Variants in HERC6 observed in about 807,000 individuals in gnomAD.
HERC6 encodes the protein HECT and RLD domain containing E3 ubiquitin protein ligase family member 6, also known as probable E3 ubiquitin-protein ligase HERC6.
In HERC6, 101 loss-of-function variants were observed where a neutral mutation model predicts 114.5. The ratio of observed to expected loss-of-function variants is 0.88; its 90% confidence interval spans 0.75 to 1.04. HERC6 has a LOEUF of 1.04. Ranked by LOEUF, HERC6 falls within the 50% of genes least tolerant of loss-of-function variation. The pLI is 0.00. For synonymous variants in HERC6, 408 were observed against 436.2 expected, an observed-to-expected ratio of 0.94 and a Z score of 0.81; for missense variants, 1,133 against 1,230.9, an observed-to-expected ratio of 0.92 and a Z score of 1.19.
At chr4:88,406,154 G>A (rs575487976) in intron 10 of HERC6, among the ~76,000 whole-genome samples, 8 of 152,250 alleles carry the variant, frequency 5.3e-5, no homozygotes, top group Non-Finnish European at 8.8e-5. Flanking sequence ...TGGCACCTGT[G>A]TGTAAAAGGG....
rs139779893 is a variant in HERC6, at chr4:88,404,682, G to T, written c.1093-194G>T. ...TTTCTTTTTTAATGATGAAACTAAGGCTCAGACCAAGCAAAGTGGCCCAGG... is the reference window on the plus strand; with the variant it reads ...TTTCTTTTTTAATGATGAAACTAAGTCTCAGACCAAGCAAAGTGGCCCAGG... On this transcript the variant is annotated intron_variant, in intron 8 of 22. Coordinates refer to ENST00000264346, the MANE Select transcript of HERC6 (RefSeq NM_017912.4). Among the ~76,000 whole-genome samples, 1,188 of 151,696 alleles carry T rather than the reference G, an allele frequency of 7.8e-3. 6 individuals carry two copies. The highest frequency in any genetic ancestry group is 0.013 in the Non-Finnish European group (868 of 67,948).
intron 4 of HERC6, among the ~76,000 whole-genome samples, chr4:88,391,169 G>T (rs1734899949): frequency 6.6e-6 from 1 of 152,180 alleles, no homozygotes; most frequent in Non-Finnish European, 1.5e-5. Context: ...CTTCCCTACA[G>T]GCTCTGAGGG....
intron 1 of HERC6, among the ~76,000 whole-genome samples, chr4:88,379,702 AATATATAATATATAAAT>A (rs1422405030): frequency 9.2e-6 from 1 of 108,650 alleles, no homozygotes; most frequent in Non-Finnish European, 1.7e-5. Flanking sequence ...ATAATATATA[AATATATAATATATAAAT>A]ATATATAATA....
chr4:88,402,943 G>A (rs1351034055), intron 8 of HERC6, among the ~76,000 whole-genome samples: 1 of 152,188 alleles, frequency 6.6e-6, no homozygotes, highest in African/African-American at 2.4e-5. Context: ...TTTAAGAGCC[G>A]TGGTTACCTG....
At chr4:88,419,961 C>A (rs1736862381) in intron 13 of HERC6, among the ~76,000 whole-genome samples, 1 of 151,696 alleles carries the variant, frequency 6.6e-6, no homozygotes, top group African/African-American at 2.4e-5. Flanking sequence ...TTCCCCTCTC[C>A]CTCTCCCTCT....
rs781466352 is a variant in HERC6, at chr4:88,442,379, A to G, written c.2988A>G (p.Thr996=). 1 of 1,613,952 alleles carries G rather than the reference A, an allele frequency of 6.2e-7. No homozygotes were observed. Among genetic ancestry groups the G allele is most frequent in the Non-Finnish European group, 8.5e-7 (1 of 1,179,904 alleles). Residue 996 remains threonine, a synonymous_variant, in exon 23 of 23, where the codon ACA becomes ACG. Coordinates refer to ENST00000264346, the MANE Select transcript of HERC6 (RefSeq NM_017912.4). ...HNILSLPKYS[T]MERMEEALQV... Reference sequence around the variant, plus strand: ...TTCTCTCCCTCCCTAAGTATTCTACAATGGAAAGAATGGAGGAAGCACTTC... The same window carrying G: ...TTCTCTCCCTCCCTAAGTATTCTACGATGGAAAGAATGGAGGAAGCACTTC...
At position 88,436,910 on chromosome 4, in the gene HERC6, T is replaced by C. The variant is rs754317617; in HGVS notation, c.2423T>C (p.Leu808Ser). The change falls in exon 19 of 23, where the codon TTG (leucine) becomes TCG (serine). Residue 808 changes from leucine to serine, a missense_variant. Leu to Ser is a moderately radical substitution (Grantham distance 145). Around this residue, in one of 3 missense-constraint regions of HERC6, gnomAD observed 388 missense variants for 445.9 expected, o/e 0.87. Coordinates refer to ENST00000264346, the MANE Select transcript of HERC6 (RefSeq NM_017912.4). ...KELSPRLGKS[L>S]QEVLDDAADD... ...AAAACCAAAATCTTCATTAGGAGTT[T>C]GCAAGAAGTTCTAGATGATGCTGCT... The C allele has an allele frequency of 6.2e-7, 1 of 1,600,654 alleles. No homozygotes were observed. The highest frequency in any genetic ancestry group is 2.2e-5 in the East Asian group (1 of 44,492).
chr4:88,383,192 T>G, intron 1 of HERC6, 29 bp from the exon 2 acceptor site: 1 of 1,602,206 alleles, frequency 6.2e-7, no homozygotes, highest in South Asian at 1.1e-5. Context: ...CAGTGGTGGT[T>G]GGGGGGTGTT....
chr4:88,396,403 G>T (rs570996040), intron 6 of HERC6, among the ~76,000 whole-genome samples: 1 of 152,236 alleles, frequency 6.6e-6, no homozygotes, highest in South Asian at 2.1e-4. Flanking sequence ...GATAAAAATA[G>T]CAGAGCTTTC....
chr4:88,424,689 A>T lies in HERC6; in HGVS notation c.1922A>T (p.His641Leu), dbSNP rs2148958534. ...ATTAAATTATTGCAAGCTGATTCACATATAAAGATGCAGGTATGTATGTCC... is the reference window on the plus strand; with the variant it reads ...ATTAAATTATTGCAAGCTGATTCACTTATAAAGATGCAGGTATGTATGTCC... ...SKIKLLQADS[H>L]IKMQMSEKKA... The change falls in exon 15 of 23, where the codon CAT becomes CTT. Residue 641 changes from histidine to leucine, a missense_variant. Physicochemically the swap from His to Leu is moderately conservative, Grantham distance 99 (BLOSUM62 -3). Around this residue, in one of 3 missense-constraint regions of HERC6, gnomAD observed 10 missense variants for 31.1 expected, o/e 0.32. Coordinates refer to ENST00000264346, the MANE Select transcript of HERC6 (RefSeq NM_017912.4). 2 of 1,595,128 alleles carry T rather than the reference A, an allele frequency of 1.3e-6. No individual in the cohort carries two copies. Among genetic ancestry groups the T allele is most frequent in the Non-Finnish European group, 8.6e-7 (1 of 1,165,118 alleles).
rs1739166479 is a variant in HERC6 at position 88,439,882 on chromosome 4, A to G, written c.2564A>G (p.Tyr855Cys). Reference protein sequence around the residue: ...IPVDQTNKRDYVSKYIDYIFN... With the variant: ...IPVDQTNKRDCVSKYIDYIFN... ...TTTTTGCTTCCCTCAAGGAGAGACT[A>G]TGTTTCTAAGTATATTGATTACATT... The change falls in exon 21 of 23, where the codon TAT (tyrosine) becomes TGT (cysteine). Residue 855 changes from tyrosine to cysteine, a missense_variant. Physicochemically the swap from Tyr to Cys is radical, Grantham distance 194 (BLOSUM62 -2). Coordinates refer to ENST00000264346, the MANE Select transcript of HERC6 (RefSeq NM_017912.4). The G allele has an allele frequency of 3.6e-6, 5 of 1,372,120 alleles. No homozygotes were observed. Among genetic ancestry groups the G allele is most frequent in the Non-Finnish European group, 4.7e-6 (5 of 1,054,340 alleles). The allele number at this position is 1,372,120 out of a possible 1,614,324, so 85.0% of individuals were successfully genotyped here.
chr4:88,409,104 G>T (rs1039946998), intron 11 of HERC6, among the ~76,000 whole-genome samples: 1 of 152,166 alleles, frequency 6.6e-6, no homozygotes, highest in African/African-American at 2.4e-5. Flanking sequence ...CTAAAATAAT[G>T]ATGTTATTTG....
At chr4:88,382,132 A>G (rs748932766) in intron 1 of HERC6, among the ~76,000 whole-genome samples, 16 of 152,176 alleles carry the variant, frequency 1.1e-4, no homozygotes, top group Non-Finnish European at 1.8e-4. Context: ...TTAACCTTGC[A>G]TAAATTGACA....
At position 88,417,471 on chromosome 4, in the gene HERC6, C is replaced by A; in HGVS notation, c.1605C>A (p.Ile535=). The A allele has an allele frequency of 1.9e-6, 3 of 1,611,164 alleles. No individual in the cohort carries two copies. The highest frequency in any genetic ancestry group is 1.7e-6 in the Non-Finnish European group (2 of 1,178,604). The change falls in exon 13 of 23, where the codon ATC becomes ATA. Residue 535 remains isoleucine, a synonymous_variant. Coordinates refer to ENST00000264346, the MANE Select transcript of HERC6 (RefSeq NM_017912.4). ...AAGAATCTTCTCTGAATCCGCTGAT[C>A]CAGATGCTTAAAGCAGCCATCATCT... ...FLQESSLNPL[I]QMLKAAIISQ... is the part of the protein sequence containing the mutation.
intron 5 of HERC6, among the ~76,000 whole-genome samples, chr4:88,395,046 G>A (rs1735156669): frequency 6.6e-6 from 1 of 152,138 alleles, no homozygotes; most frequent in African/African-American, 2.4e-5. Flanking sequence ...ATATTCCAAA[G>A]GGATGGATTC....
intron 5 of HERC6, among the ~76,000 whole-genome samples, chr4:88,394,474 CAAAAAAAAAA>C (rs781425955): frequency 7.0e-5 from 3 of 42,898 alleles, no homozygotes; most frequent in African/African-American, 2.7e-4. Context: ...CTCTCCTGTC[CAAAAAAAAAA>C]AAAAAAAAAA....
In HERC6 at chr4:88,383,405, A is replaced by G. The variant is rs138391421; in HGVS notation, c.359+25A>G. On this transcript the variant is annotated intron_variant, in intron 2 of 22. Coordinates refer to ENST00000264346, the MANE Select transcript of HERC6 (RefSeq NM_017912.4). The stretch of plus-strand genomic sequence containing the variant: ...AGTAAGTGTTTCAACCCACTCCTTC[A>G]TTTATTCAATATATATAGTACCATG... 1,678 of 1,459,590 alleles carry G rather than the reference A, an allele frequency of 1.1e-3. 13 individuals carry two copies. The African/African-American group carries it at 0.021, about 18-fold the overall frequency. The allele number at this position is 1,459,590 out of a possible 1,614,324, so 90.4% of individuals were successfully genotyped here.
At chr4:88,385,837 T>C (rs942236045) in intron 3 of HERC6, among the ~76,000 whole-genome samples, 1 of 152,232 alleles carries the variant, frequency 6.6e-6, no homozygotes, top group African/African-American at 2.4e-5. Flanking sequence ...TAGTAGTGGC[T>C]TTATTTCCAG....
At position 88,435,724 on chromosome 4, in the gene HERC6, G is replaced by C. The variant is rs1270419255; in HGVS notation, c.2251-1G>C. On this transcript the variant is annotated splice_acceptor_variant, in intron 17 of 22. Coordinates refer to ENST00000264346, the MANE Select transcript of HERC6 (RefSeq NM_017912.4). LOFTEE classifies it high-confidence loss of function. The stretch of plus-strand genomic sequence containing the variant: ...TTAGGGATTTTTTTCTTCTTTTCTA[G>C]CCTAAACCTGAGAAGAAAAGATATT... 1 of 1,511,908 alleles carries C rather than the reference G, an allele frequency of 6.6e-7. No individual in the cohort carries two copies. Among genetic ancestry groups the C allele is most frequent in the East Asian group, 2.4e-5 (1 of 41,780 alleles). The allele number at this position is 1,511,908 out of a possible 1,614,324, so 93.7% of individuals were successfully genotyped here.
Sources: gnomAD v4.1 joint callset for allele counts (sites outside exome capture counted in the v4.1 genomes callset) on GRCh38, gnomAD v4.1.1 for gene constraint, gnomAD v4.1.1 regional missense constraint, MANE v1.5 for transcripts, NCBI Gene and HGNC (gene_info 2026-07-23, HGNC 2026-07-21) for gene names.